Variants in EFTUD2 observed in about 807,000 individuals in gnomAD.
EFTUD2 encodes the protein elongation factor Tu GTP binding domain containing 2.
A neutral mutation model predicts 114.3 loss-of-function variants in EFTUD2; 9 were observed. That is an observed-to-expected ratio of 0.08 (90% confidence interval 0.05 to 0.14). The LOEUF is 0.14. Among genes scored for constraint, EFTUD2 ranks in the 10% least tolerant of loss-of-function variants. The pLI is 1.00. For missense variants in EFTUD2, 765 were observed against 1,241.2 expected (o/e 0.62, Z 5.76); for synonymous variants, 449 against 462.3 (o/e 0.97, Z 0.37).
intron 16 of EFTUD2, 31 bp downstream of exon 16, chr17:44,862,682 G>A (rs1002651155): frequency 1.9e-6 from 3 of 1,595,750 alleles, no homozygotes; most frequent in African/African-American, 2.7e-5. Flanking sequence ...TAGACACCAA[G>A]GCATACTCCT....
At position 44,890,033 on chromosome 17, in the gene EFTUD2, T is replaced by G. The variant is rs181019909; in HGVS notation, c.106-3283A>C. Among the ~76,000 whole-genome samples, 440 of 152,148 alleles carry G rather than the reference T, an allele frequency of 2.9e-3. 3 individuals are homozygous for G. The highest frequency in any genetic ancestry group is 1.0e-2 in the African/African-American group (414 of 41,510). On this transcript the variant is annotated intron_variant, in intron 2 of 27. Transcript: ENST00000426333. ...ATTTTTTTATTTTTTTGAGATGGAG[T>G]TTCACTCTTGTTTGCCGGGGCTGGA...
At chr17:44,896,640 C>T (rs1479554230) in intron 1 of EFTUD2, among the ~76,000 whole-genome samples, 2 of 152,196 alleles carry the variant, frequency 1.3e-5, no homozygotes, top group South Asian at 2.1e-4. Context: ...GAGTGAGACT[C>T]CGTCTCGAAA....
chr17:44,851,466 G>T, intron 27 of EFTUD2, 97 bp from the exon 28 acceptor site: 2 of 1,069,470 alleles, frequency 1.9e-6, no homozygotes, highest in Non-Finnish European at 2.9e-6. Flanking sequence ...GGCTAGTGGT[G>T]GCTGGAATGT....
At chr17:44,879,443 C>A in intron 9 of EFTUD2, 113 bp downstream of exon 9, 1 of 1,058,716 alleles carries the variant, frequency 9.4e-7, no homozygotes, top group Non-Finnish European at 1.4e-6. Context: ...AGCCTTAATC[C>A]CAGAGAGTTT....
Position 44,850,184 on chromosome 17 carries a change from A to G in EFTUD2, c.*1090T>C. The G allele has an allele frequency of 1.2e-5, 7 of 600,054 alleles. No homozygotes were observed. The highest frequency in any genetic ancestry group is 8.2e-5 in the South Asian group (4 of 49,060). 37.2% of individuals were successfully genotyped at this position (600,054 alleles called of 1,614,324 possible). A position where few individuals can be genotyped will look rare whatever the true frequency, so the allele number is the denominator to read the frequency against. ...CCAGGTTGTGTGGTCAGATGCTTGAAGCAGCTGTTGGGACCTGGGGCAGAA... is the reference window on the plus strand; with the variant it reads ...CCAGGTTGTGTGGTCAGATGCTTGAGGCAGCTGTTGGGACCTGGGGCAGAA... On this transcript the variant is annotated 3_prime_UTR_variant, in exon 28 of 28. Transcript: ENST00000426333.
At chr17:44,877,522 T>C (rs962475619) in intron 9 of EFTUD2, among the ~76,000 whole-genome samples, 4 of 152,036 alleles carry the variant, frequency 2.6e-5, no homozygotes, top group Admixed American at 6.6e-5. Flanking sequence ...TTCCAACCAA[T>C]AGGCCAGGCG....
chr17:44,892,667 T>G (rs2051302413), intron 2 of EFTUD2, among the ~76,000 whole-genome samples: 1 of 140,052 alleles, frequency 7.1e-6, no homozygotes, highest in African/African-American at 2.7e-5. Context: ...AGATGGAGTC[T>G]CGCTGTGTCA....
At chr17:44,857,821 C>T (rs1453100904) in intron 19 of EFTUD2, among the ~76,000 whole-genome samples, 1 of 152,166 alleles carries the variant, frequency 6.6e-6, no homozygotes, top group East Asian at 1.9e-4. Flanking sequence ...CACTCTGAGA[C>T]CTAATCACCA....
chr17:44,854,567 G>A lies in EFTUD2; in HGVS notation c.2248C>T (p.Leu750=), dbSNP rs1181075939. 10 of 1,613,988 alleles carry A rather than the reference G, an allele frequency of 6.2e-6. No homozygotes were observed. The highest frequency in any genetic ancestry group is 8.5e-6 in the Non-Finnish European group (10 of 1,179,972). ...CAGTTCTGCTGTACCTCAGAGGGCA[G>A]AGTATCATCCACCAGAATGTTGGGG... is the stretch of plus-strand genomic sequence containing the variant. ...TGPNILVDDT[L]PSEVDKALLG... is the part of the protein sequence containing the mutation. The change falls in exon 22 of 28, where the codon CTG becomes TTG. Residue 750 remains leucine (L), a synonymous_variant. Transcript: ENST00000426333. The surrounding 1 kb of genome is among the most constrained non-coding windows in gnomAD (Gnocchi z 4.3).
intron 18 of EFTUD2, chr17:44,859,700 C>T (rs759093607): frequency 2.4e-5 from 18 of 738,422 alleles, no homozygotes; most frequent in African/African-American, 2.1e-4. Flanking sequence ...CCCTCCTACA[C>T]AGGTCTTGTT....
At chr17:44,876,855 CAAAAAAAAA>C (rs58892812) in intron 9 of EFTUD2, among the ~76,000 whole-genome samples, 7 of 48,230 alleles carry the variant, frequency 1.5e-4, no homozygotes, top group African/African-American at 4.9e-4. Context: ...GACTCCGTCT[CAAAAAAAAA>C]AAAAAAAAAA....
intron 2 of EFTUD2, 50 bp downstream of exon 2, chr17:44,894,367 T>C: frequency 6.8e-7 from 1 of 1,464,666 alleles, no homozygotes. Flanking sequence ...AGATCTTGTC[T>C]TAAATAAAAT....
intron 13 of EFTUD2, chr17:44,865,314 T>C: frequency 2.2e-6 from 1 of 447,026 alleles, no homozygotes; most frequent in South Asian, 3.3e-5. Flanking sequence ...TCAGATTGAT[T>C]ACTCCCAGTG....
At chr17:44,875,762 A>G in intron 10 of EFTUD2, 172 bp downstream of exon 10, 1 of 676,534 alleles carries the variant, frequency 1.5e-6, no homozygotes, top group Non-Finnish European at 2.6e-6. Flanking sequence ...TAAAATGAAG[A>G]TGTGTTAAAG....
chr17:44,894,568 C>T (rs2051342760), intron 1 of EFTUD2, 43 bp from the exon 2 acceptor site: 1 of 1,483,318 alleles, frequency 6.7e-7, no homozygotes, highest in Non-Finnish European at 9.4e-7. Context: ...ACAAGGTAAT[C>T]AAGGCCTTCA....
chr17:44,894,578 A>G, intron 1 of EFTUD2, 53 bp from the exon 2 acceptor site: 1 of 1,363,326 alleles, frequency 7.3e-7, no homozygotes, highest in South Asian at 1.2e-5. Flanking sequence ...CAAGGCCTTC[A>G]TGTGGTGGCT....
intron 13 of EFTUD2, among the ~76,000 whole-genome samples, chr17:44,865,635 T>C (rs974801674): frequency 2.0e-5 from 3 of 152,206 alleles, no homozygotes; most frequent in African/African-American, 7.2e-5. Context: ...TGCTAGGTTT[T>C]GCTGTTTTGT....
chr17:44,892,867 G>A (rs1169179288), intron 2 of EFTUD2, among the ~76,000 whole-genome samples: 1 of 151,218 alleles, frequency 6.6e-6, no homozygotes, highest in Non-Finnish European at 1.5e-5. Context: ...AAACTCCTGG[G>A]CTCAAGCGCC....
At chr17:44,885,870 C>T (rs2051162416) in intron 3 of EFTUD2, among the ~76,000 whole-genome samples, 1 of 152,018 alleles carries the variant, frequency 6.6e-6, no homozygotes, top group Admixed American at 6.5e-5. Flanking sequence ...TTCAAGCGAT[C>T]CTCCTGCTCT....
Sources: allele counts gnomAD v4.1 joint callset (sites outside exome capture counted in the v4.1 genomes callset), GRCh38; gene constraint gnomAD v4.1.1; non-coding constraint Gnocchi (gnomAD v3.1); transcripts MANE v1.5; gene names NCBI Gene and HGNC (gene_info 2026-07-23, HGNC 2026-07-21).